DOCK4: variants seen among roughly 807,000 people sequenced by gnomAD.
The protein encoded by DOCK4 is dedicator of cytokinesis protein 4.
In DOCK4, 97 loss-of-function variants were observed where a neutral mutation model predicts 268.1. That is an observed-to-expected ratio of 0.36 (90% CI 0.31 to 0.43). The LOEUF (loss-of-function observed/expected upper bound fraction) is 0.43. Ranked by LOEUF, DOCK4 falls within the 20% of genes least tolerant of loss-of-function variation. The pLI is 1.00. For synonymous variants in DOCK4, 954 were observed against 887.2 expected, an observed-to-expected ratio of 1.08 and a Z score of -1.34; for missense variants, 2,145 against 2,455.7, an observed-to-expected ratio of 0.87 and a Z score of 2.67.
At chr7:111,939,502 G>A (rs958389037) in intron 11 of DOCK4, among the ~76,000 whole-genome samples, 7 of 141,550 alleles carry the variant, frequency 4.9e-5, no homozygotes, top group Admixed American at 7.3e-5. Flanking sequence ...GCAACAGAGC[G>A]AGACTCCTTC....
At chr7:111,808,961 C>G in intron 29 of DOCK4, 82 bp from the exon 30 acceptor site, 1 of 1,461,056 alleles carries the variant, frequency 6.8e-7, no homozygotes, top group Non-Finnish European at 9.4e-7. Flanking sequence ...TACAATCTAT[C>G]ATTCTGAATT....
chr7:111,761,208 C>T (rs1200277591), intron 39 of DOCK4, among the ~76,000 whole-genome samples: 1 of 152,016 alleles, frequency 6.6e-6, no homozygotes, highest in African/African-American at 2.4e-5. Context: ...GACAGGTGTG[C>T]ACTACCATGC....
At chr7:111,983,960 G>A (rs1328364957) in intron 7 of DOCK4, among the ~76,000 whole-genome samples, 2 of 152,064 alleles carry the variant, frequency 1.3e-5, no homozygotes, top group Non-Finnish European at 2.9e-5. Context: ...ACACCCATTA[G>A]TTACAGCATG....
chr7:112,082,096 G>A lies in DOCK4; in HGVS notation c.38-77965C>T, dbSNP rs557624990. Among the ~76,000 whole-genome samples, 11 of 152,216 alleles carry A rather than the reference G, an allele frequency of 7.2e-5. No individual in the cohort carries two copies. In the East Asian group the frequency reaches 1.4e-3, roughly 19 times the overall value. ...TTATACATGTAGAGTTCTTAGCTCC[G>A]CACCTGTCATGGAATAGACACATAG... On this transcript the variant is annotated intron_variant, in intron 1 of 52. Coordinates refer to ENST00000428084, the MANE Select transcript of DOCK4 (RefSeq NM_001363540.2).
chr7:112,111,959 G>A (rs985231593), intron 1 of DOCK4, among the ~76,000 whole-genome samples: 1 of 152,190 alleles, frequency 6.6e-6, no homozygotes, highest in Non-Finnish European at 1.5e-5. Flanking sequence ...GTGAGTGGAA[G>A]TGCCAGGATG....
intron 45 of DOCK4, 37 bp from the exon 46 acceptor site, chr7:111,741,698 A>C (rs1221005648): frequency 3.1e-6 from 5 of 1,603,638 alleles, no homozygotes; most frequent in Non-Finnish European, 4.3e-6. Context: ...CATTACAGTA[A>C]TGATTTGGGC....
At chr7:111,823,090 T>C (rs187859801) in intron 26 of DOCK4, among the ~76,000 whole-genome samples, 78 of 152,254 alleles carry the variant, frequency 5.1e-4, no homozygotes, top group Non-Finnish European at 8.7e-4. Flanking sequence ...TATCAATATA[T>C]TCCTCACAAA....
At chr7:111,732,108 G>A in intron 52 of DOCK4, 118 bp downstream of exon 52, 1 of 1,017,654 alleles carries the variant, frequency 9.8e-7, no homozygotes, top group Non-Finnish European at 1.5e-6. Context: ...ATCCCTGATT[G>A]ATAAGTTCTT....
chr7:112,159,167 T>C (rs962613322), intron 1 of DOCK4, among the ~76,000 whole-genome samples: 5 of 152,140 alleles, frequency 3.3e-5, no homozygotes, highest in African/African-American at 1.2e-4. Flanking sequence ...AAAATGATGT[T>C]CTAGCATCTT....
At chr7:112,024,843 T>C (rs1802633053) in intron 1 of DOCK4, among the ~76,000 whole-genome samples, 1 of 152,220 alleles carries the variant, frequency 6.6e-6, no homozygotes, top group Non-Finnish European at 1.5e-5. Context: ...TACCAAGGCC[T>C]GTTCTTGGTT....
chr7:112,088,085 G>A (rs1366791902), intron 1 of DOCK4, among the ~76,000 whole-genome samples: 1 of 152,072 alleles, frequency 6.6e-6, no homozygotes, highest in Admixed American at 6.5e-5. Flanking sequence ...CGTGGGACAA[G>A]GTCCCGTATG....
chr7:112,100,178 T>C (rs910274048), intron 1 of DOCK4, among the ~76,000 whole-genome samples: 1 of 152,210 alleles, frequency 6.6e-6, no homozygotes, highest in African/African-American at 2.4e-5. Flanking sequence ...ATGTAACATT[T>C]TGATACAGTT....
At chr7:111,763,137 G>A (rs1017252165) in intron 39 of DOCK4, among the ~76,000 whole-genome samples, 4 of 152,028 alleles carry the variant, frequency 2.6e-5, no homozygotes, top group Non-Finnish European at 5.9e-5. Context: ...GTATTTGAGT[G>A]CTAAAAATTA....
At position 111,889,344 on chromosome 7, in the gene DOCK4, G is replaced by A. The variant is rs1808105202; in HGVS notation, c.1587+6268C>T. On this transcript the variant is annotated intron_variant, in intron 16 of 52. Coordinates refer to ENST00000428084, the MANE Select transcript of DOCK4 (RefSeq NM_001363540.2). Reference sequence around the variant, plus strand: ...CTAAGATTTATAGATTATGGTTATAGGGTAAGTCTTTTAGAAGAGTTGGGG... The same window carrying A: ...CTAAGATTTATAGATTATGGTTATAAGGTAAGTCTTTTAGAAGAGTTGGGG... 2.6e-5 allele frequency among the ~76,000 whole-genome samples: 4 copies of A among 152,112 alleles called. No homozygotes were observed. The South Asian group carries it at 8.3e-4, about 32-fold the overall frequency.
At chr7:111,993,446 A>G (rs1290230352) in intron 5 of DOCK4, among the ~76,000 whole-genome samples, 1 of 152,214 alleles carries the variant, frequency 6.6e-6, no homozygotes, top group Non-Finnish European at 1.5e-5. Flanking sequence ...CCAGAACCCC[A>G]GCTCAGCCAT....
intron 10 of DOCK4, among the ~76,000 whole-genome samples, chr7:111,941,783 T>A (rs1052584355): frequency 6.6e-6 from 1 of 151,982 alleles, no homozygotes; most frequent in Admixed American, 6.5e-5. Flanking sequence ...AAAGCTGCAC[T>A]AAAGAAAAAA....
intron 15 of DOCK4, among the ~76,000 whole-genome samples, chr7:111,897,773 T>C (rs926592433): frequency 1.3e-5 from 2 of 152,218 alleles, no homozygotes; most frequent in Non-Finnish European, 2.9e-5. Context: ...ACTTGACATC[T>C]TGAGTGTCTA....
At chr7:111,882,309 G>C (rs776183753) in intron 16 of DOCK4, among the ~76,000 whole-genome samples, 30 of 152,192 alleles carry the variant, frequency 2.0e-4, no homozygotes, top group Non-Finnish European at 3.8e-4. Context: ...ATACACTAAG[G>C]AGCTAATAGT....
chr7:111,849,651 T>C (rs1362836213), intron 23 of DOCK4, among the ~76,000 whole-genome samples: 1 of 152,168 alleles, frequency 6.6e-6, no homozygotes, highest in Non-Finnish European at 1.5e-5. Flanking sequence ...AAATGCTAAC[T>C]GGAAATCACA....
Sources: gnomAD v4.1 joint callset for allele counts (sites outside exome capture counted in the v4.1 genomes callset) on GRCh38, gnomAD v4.1.1 for gene constraint, MANE v1.5 for transcripts, NCBI Gene and HGNC (gene_info 2026-07-23, HGNC 2026-07-21) for gene names.